Variants in FAM72D observed in about 807,000 individuals in gnomAD.
The protein encoded by FAM72D is protein FAM72D.
For synonymous variants in FAM72D, 4 were observed against 35.1 expected (o/e 0.11, Z 3.13); for missense variants, 9 against 104.7 (o/e 0.09, Z 3.99).
At chr1:145,108,114 A>G (rs1469713836) in intron 3 of FAM72D, among the ~76,000 whole-genome samples, 1 of 148,054 alleles carries the variant, frequency 6.8e-6, no homozygotes, top group African/African-American at 2.5e-5. Flanking sequence ...CAGCCTTCTC[A>G]ATAGGTGGGA....
chr1:145,100,495 T>G lies in FAM72D; in HGVS notation c.230+1430T>G, dbSNP rs187239297. Reference sequence around the variant, plus strand: ...TGGACATTATTTTCTTCTTTCTTTTTTTTTTTTTTTTTTTAAGACGGAGTT... The same window carrying G: ...TGGACATTATTTTCTTCTTTCTTTTGTTTTTTTTTTTTTTAAGACGGAGTT... On this transcript the variant is annotated intron_variant, in intron 2 of 3. Coordinates refer to ENST00000400889, the MANE Select transcript of FAM72D (RefSeq NM_207418.3). Among the ~76,000 whole-genome samples, 3 of 146,978 alleles carry G rather than the reference T, an allele frequency of 2.0e-5. No individual in the cohort carries two copies. In the East Asian group the frequency reaches 5.9e-4, roughly 29 times the overall value.
chr1:145,100,732 T>G (rs9697509), intron 2 of FAM72D, among the ~76,000 whole-genome samples: 3 of 149,812 alleles, frequency 2.0e-5, no homozygotes, highest in Non-Finnish European at 4.4e-5. Flanking sequence ...GCTCAGGCAG[T>G]CCGCCTGCCT....
intron 3 of FAM72D, among the ~76,000 whole-genome samples, chr1:145,105,502 T>A: frequency 9.7e-6 from 1 of 102,580 alleles, no homozygotes; most frequent in Non-Finnish European, 2.0e-5. Flanking sequence ...AGTAGAACTC[T>A]GCCTCTACTA....
intron 3 of FAM72D, among the ~76,000 whole-genome samples, chr1:145,105,620 G>C (rs1402532113): frequency 6.7e-6 from 1 of 148,710 alleles, no homozygotes; most frequent in Non-Finnish European, 1.5e-5. Context: ...AGCCGAGATC[G>C]CACCATTGCA....
At position 145,096,761 on chromosome 1, in the gene FAM72D, A is replaced by G; in HGVS notation, c.-87A>G. ...GAAAAGCTCTAGGTCCCGCAATTTG[A>G]ATTTTAGCCTAGGGGAATCAAAATA... On this transcript the variant is annotated 5_prime_UTR_variant, in exon 1 of 4. Transcript: ENST00000400889. 1 of 466,170 alleles carries G rather than the reference A, an allele frequency of 2.1e-6. No homozygotes were observed. The allele number at this position is 466,170 out of a possible 1,614,324, so 28.9% of individuals were successfully genotyped here. A position where few individuals can be genotyped will look rare whatever the true frequency, so the allele number is the denominator to read the frequency against.
intron 3 of FAM72D, among the ~76,000 whole-genome samples, chr1:145,105,633 A>G (rs1164990391): frequency 6.7e-6 from 1 of 149,960 alleles, no homozygotes; most frequent in Non-Finnish European, 1.5e-5. Flanking sequence ...CCATTGCACC[A>G]AGAGTGGAAC....
rs1214693439 is a variant in FAM72D at position 145,112,418 on chromosome 1, TTTTGC to T, written c.*836_*840del. The stretch of plus-strand genomic sequence containing the variant: ...TTGTACATTATAAAGAGCTGTTTTG[TTTTGC>T]TTTGCTTTGCTTTGTTTTGTTTTTT... On this transcript the variant is annotated 3_prime_UTR_variant, in exon 4 of 4. Coordinates refer to ENST00000400889, the MANE Select transcript of FAM72D (RefSeq NM_207418.3). The T allele has an allele frequency of 1.7e-3, 259 of 151,026 alleles. 12 individuals carry two copies. The highest frequency in any genetic ancestry group is 6.2e-3 in the African/African-American group (251 of 40,606). The allele number at this position is 151,026 out of a possible 1,614,324, so 9.4% of individuals were successfully genotyped here.
Position 145,096,942 on chromosome 1 carries a change from C to T in FAM72D, c.95C>T (p.Ala32Val). 3.2e-6 allele frequency: 4 copies of T among 1,266,106 alleles called. No homozygotes were observed. Among genetic ancestry groups the T allele is most frequent in the Non-Finnish European group, 4.4e-6 (4 of 919,324 alleles). 78.4% of individuals were successfully genotyped at this position (1,266,106 alleles called of 1,614,324 possible). The part of the protein sequence containing the change: ...KQVLSSRGMK[A>V]VLLADTEIDL... ...GTGCTCAGCTCTAGGGGAATGAAGGCTGTTTTGCTGGCTGATACTGAAATA... is the reference window on the plus strand; with the variant it reads ...GTGCTCAGCTCTAGGGGAATGAAGGTTGTTTTGCTGGCTGATACTGAAATA... The change falls in exon 1 of 4, where the codon GCT becomes GTT. Residue 32 changes from alanine to valine, a missense_variant. Ala to Val is a moderately conservative substitution (Grantham distance 64, BLOSUM62 0). Coordinates refer to ENST00000400889, the MANE Select transcript of FAM72D (RefSeq NM_207418.3).
chr1:145,104,109 C>T (rs1346680244), intron 3 of FAM72D, among the ~76,000 whole-genome samples: 10 of 147,718 alleles, frequency 6.8e-5, no homozygotes, highest in Admixed American at 5.3e-4. Context: ...TGTGATCATG[C>T]CAGTGCATTT....
chr1:145,101,001 G>T (rs1232796079), intron 2 of FAM72D, among the ~76,000 whole-genome samples: 4 of 150,556 alleles, frequency 2.7e-5, no homozygotes, highest in Admixed American at 6.6e-5. Flanking sequence ...GAGTGCAATG[G>T]CATCATCTTG....
intron 2 of FAM72D, among the ~76,000 whole-genome samples, chr1:145,100,241 AT>A (rs1195569733): frequency 8.3e-6 from 1 of 120,272 alleles, no homozygotes; most frequent in Non-Finnish European, 1.7e-5. Context: ...TATTATTTTC[AT>A]TTTAGGAGGA....
intron 2 of FAM72D, among the ~76,000 whole-genome samples, chr1:145,100,530 C>T (rs1287953331): frequency 5.1e-5 from 7 of 136,270 alleles, no homozygotes; most frequent in Non-Finnish European, 9.4e-5. Flanking sequence ...TTTGCTCTGT[C>T]GCCCAGGCTA....
intron 3 of FAM72D, among the ~76,000 whole-genome samples, chr1:145,105,642 A>G (rs1161096633): frequency 1.3e-5 from 2 of 149,060 alleles, no homozygotes; most frequent in African/African-American, 5.0e-5. Flanking sequence ...CAAGAGTGGA[A>G]CTCCATCTGA....
rs1394820209 is a variant in FAM72D at position 145,107,173 on chromosome 1, C to T, written c.355+4042C>T. On this transcript the variant is annotated intron_variant, in intron 3 of 3. Coordinates refer to ENST00000400889, the MANE Select transcript of FAM72D (RefSeq NM_207418.3). ...AAAAAATTATTTTAGTAAGAAAGTA[C>T]ACTACCAATTCTTTTAAAAAAAAAA... Among the ~76,000 whole-genome samples the T allele has an allele frequency of 3.7e-4, 54 of 145,444 alleles. 1 individual carries two copies. The highest frequency in any genetic ancestry group is 1.4e-4 in the Non-Finnish European group (9 of 66,502).
intron 3 of FAM72D, among the ~76,000 whole-genome samples, chr1:145,105,589 CAGGAGGTGG>C (rs1184172975): frequency 2.0e-5 from 3 of 146,754 alleles, no homozygotes; most frequent in African/African-American, 7.7e-5. Flanking sequence ...CACTTGAACC[CAGGAGGTGG>C]AGTTTGAAGT....
intron 2 of FAM72D, among the ~76,000 whole-genome samples, chr1:145,102,746 TCAA>T (rs1366623855): frequency 0.022 from 2,215 of 102,224 alleles, 88 homozygotes; most frequent in South Asian, 0.032. Context: ...AAACTCGGTC[TCAA>T]TAATAATAAT....
intron 2 of FAM72D, among the ~76,000 whole-genome samples, chr1:145,101,067 G>A (rs1475177611): frequency 1.6e-4 from 24 of 150,420 alleles, no homozygotes; most frequent in Admixed American, 4.6e-4. Context: ...TCTGCCTCCC[G>A]AGTAGCTGGG....
chr1:145,100,781 C>T (rs587626626), intron 2 of FAM72D, among the ~76,000 whole-genome samples: 1 of 150,686 alleles, frequency 6.6e-6, no homozygotes, highest in East Asian at 2.0e-4. Flanking sequence ...CGTGAGCCAC[C>T]GCACCCAGCC....
intron 2 of FAM72D, among the ~76,000 whole-genome samples, chr1:145,101,262 A>G (rs1654698016): frequency 7.3e-6 from 1 of 137,106 alleles, no homozygotes; most frequent in Admixed American, 7.3e-5. Context: ...TCAAAAGAAA[A>G]CCAAAACAGG....
Sources: allele counts gnomAD v4.1 joint callset (sites outside exome capture counted in the v4.1 genomes callset), GRCh38; gene constraint gnomAD v4.1.1; transcripts MANE v1.5; gene names NCBI Gene and HGNC (gene_info 2026-07-23, HGNC 2026-07-21).